ROCK2: variants seen among roughly 807,000 people sequenced by gnomAD.
ROCK2 encodes the protein rho-associated protein kinase 2.
ROCK2 carries 61 observed loss-of-function variants against 195.1 expected under a neutral mutation model. That is an observed-to-expected ratio of 0.31 (90% confidence interval 0.25 to 0.39). ROCK2 has a LOEUF of 0.39. Ranked by LOEUF, ROCK2 falls within the 10% of genes least tolerant of loss-of-function variation. The pLI is 1.00. For synonymous variants in ROCK2, 504 were observed against 545.5 expected (o/e 0.92, Z 1.06); for missense variants, 1,109 against 1,637.4 (o/e 0.68, Z 5.57).
At chr2:11,239,877 A>T (rs534665067) in intron 4 of ROCK2, among the ~76,000 whole-genome samples, 3 of 152,214 alleles carry the variant, frequency 2.0e-5, no homozygotes, top group African/African-American at 4.8e-5. Flanking sequence ...CAACCTCCTC[A>T]GGCTTAACAA....
chr2:11,204,916 T>G (rs1156455285), intron 20 of ROCK2, among the ~76,000 whole-genome samples: 1 of 152,206 alleles, frequency 6.6e-6, no homozygotes, highest in African/African-American at 2.4e-5. Flanking sequence ...TATCATAATC[T>G]TCCTCTTTCA....
chr2:11,262,371 G>T (rs1412762496), intron 3 of ROCK2, among the ~76,000 whole-genome samples: 1 of 152,072 alleles, frequency 6.6e-6, no homozygotes, highest in African/African-American at 2.4e-5. Flanking sequence ...AATATGTAGA[G>T]CTTAAAAAAA....
rs201481528 is a variant in ROCK2, at chr2:11,203,208, TA to T, written c.2550-1088del. ...GGTACATTAAATTCTGGCCTTATTT[TA>T]AAAACATAAAAATTATAGTTATCCG... On this transcript the variant is annotated intron_variant, in intron 20 of 32. Transcript: ENST00000315872. Among the ~76,000 whole-genome samples, 1,062 of 152,302 alleles carry T rather than the reference TA, an allele frequency of 7.0e-3. 15 individuals carry two copies. The highest frequency in any genetic ancestry group is 0.024 in the African/African-American group (1,010 of 41,556).
At chr2:11,269,027 A>G (rs1043762796) in intron 3 of ROCK2, among the ~76,000 whole-genome samples, 13 of 152,154 alleles carry the variant, frequency 8.5e-5, no homozygotes, top group African/African-American at 3.1e-4. Context: ...TGCCGGCTCA[A>G]ATCTGCCCCT....
intron 1 of ROCK2, among the ~76,000 whole-genome samples, chr2:11,302,075 G>A (rs935994371): frequency 1.3e-5 from 2 of 152,072 alleles, no homozygotes; most frequent in Non-Finnish European, 2.9e-5. Context: ...CAAAGTGCTG[G>A]GATTACAGGC....
At chr2:11,330,734 TGAGGAGGGAGGAGGGAGGAG>T (rs1269693451) in intron 1 of ROCK2, among the ~76,000 whole-genome samples, 38 of 18,360 alleles carry the variant, frequency 2.1e-3, no homozygotes, top group Admixed American at 7.5e-3. Flanking sequence ...GGAGGGAAGA[TGAGGAGGGAGGAGGGAGGAG>T]GAGGAGGGAG....
chr2:11,215,128 C>T (rs1021262162), intron 15 of ROCK2, 42 bp from the exon 16 acceptor site: 3 of 1,603,822 alleles, frequency 1.9e-6, no homozygotes, highest in African/African-American at 2.7e-5. Flanking sequence ...AACAAACACA[C>T]ATGTATGTAA....
At chr2:11,293,266 G>C (rs1452330290) in intron 1 of ROCK2, among the ~76,000 whole-genome samples, 1 of 152,174 alleles carries the variant, frequency 6.6e-6, no homozygotes, top group African/African-American at 2.4e-5. Context: ...TGAGAATTTA[G>C]CAACTCAGAG....
At chr2:11,233,204 C>T (rs184920988) in intron 5 of ROCK2, among the ~76,000 whole-genome samples, 1 of 152,092 alleles carries the variant, frequency 6.6e-6, no homozygotes, top group Non-Finnish European at 1.5e-5. Flanking sequence ...ATAGAGGAGA[C>T]CGTGTCTACA....
Position 11,344,558 on chromosome 2 carries a change from G to A in ROCK2, c.-422C>T. 1.1e-6 allele frequency: 1 copy of A among 929,626 alleles called. No individual in the cohort carries two copies. Among genetic ancestry groups the A allele is most frequent in the African/African-American group, 1.8e-5 (1 of 55,566 alleles). The allele number at this position is 929,626 out of a possible 1,614,324, so 57.6% of individuals were successfully genotyped here. A position where few individuals can be genotyped will look rare whatever the true frequency, so the allele number is the denominator to read the frequency against. On this transcript the variant is annotated 5_prime_UTR_variant, in exon 1 of 33. Coordinates refer to ENST00000315872, the MANE Select transcript of ROCK2 (RefSeq NM_004850.5). The surrounding 1 kb of genome is among the most constrained non-coding windows in gnomAD (Gnocchi z 5.4). ...GGGCCACTACGGCCGCCGCCGGCCC[G>A]CTGCCATGGTCGCCGCCGGCCGCCT...
chr2:11,218,451 A>C lies in ROCK2; in HGVS notation c.1332+4T>G. 1 of 1,560,564 alleles carries C rather than the reference A, an allele frequency of 6.4e-7. No homozygotes were observed. Among genetic ancestry groups the C allele is most frequent in the Non-Finnish European group, 8.7e-7 (1 of 1,149,440 alleles). On this transcript the variant is annotated splice_donor_region_variant and intron_variant, in intron 11 of 32. Transcript: ENST00000315872. Reference sequence around the variant, plus strand: ...TTTCAATATATCTGACAACATCAACATACCTCTTGACTTTCCTATTTAAAA... The same window carrying C: ...TTTCAATATATCTGACAACATCAACCTACCTCTTGACTTTCCTATTTAAAA...
At chr2:11,320,910 G>C (rs539622075) in intron 1 of ROCK2, among the ~76,000 whole-genome samples, 12 of 152,230 alleles carry the variant, frequency 7.9e-5, no homozygotes, top group African/African-American at 2.9e-4. Context: ...AGAGAGGAGG[G>C]AGGTGTACAG....
chr2:11,330,077 A>G (rs1294166782), intron 1 of ROCK2, among the ~76,000 whole-genome samples: 1 of 152,216 alleles, frequency 6.6e-6, no homozygotes, highest in Non-Finnish European at 1.5e-5. Context: ...AGATTGTAAA[A>G]TGTTTCTAAC....
At chr2:11,188,099 T>C (rs867501402) in intron 32 of ROCK2, among the ~76,000 whole-genome samples, 1 of 149,258 alleles carries the variant, frequency 6.7e-6, no homozygotes, top group African/African-American at 2.5e-5. Flanking sequence ...CAAACTGGTA[T>C]ATAATTTTTT....
intron 23 of ROCK2, 67 bp downstream of exon 23, chr2:11,200,890 G>T: frequency 1.5e-6 from 2 of 1,359,802 alleles, no homozygotes; most frequent in South Asian, 1.5e-5. Context: ...TACTTAGTAT[G>T]TCTAAAGAAG....
In ROCK2 at chr2:11,298,661, C is replaced by T. The variant is rs71439055; in HGVS notation, c.142-10925G>A. Among the ~76,000 whole-genome samples, 1,333 of 152,206 alleles carry T rather than the reference C, an allele frequency of 8.8e-3. 15 individuals are homozygous for T. Among genetic ancestry groups the T allele is most frequent in the Middle Eastern group, 0.017 (5 of 294 alleles). On this transcript the variant is annotated intron_variant, in intron 1 of 32. Coordinates refer to ENST00000315872, the MANE Select transcript of ROCK2 (RefSeq NM_004850.5). ...CAATGAAAACTTTTTATTACAGAGA[C>T]TTATCCTCCAAACACTTTCAAAGCT... is the stretch of plus-strand genomic sequence containing the variant.
At chr2:11,200,517 T>A (rs1340047810) in intron 23 of ROCK2, among the ~76,000 whole-genome samples, 1 of 152,200 alleles carries the variant, frequency 6.6e-6, no homozygotes, top group Non-Finnish European at 1.5e-5. Flanking sequence ...TCATTTCCAC[T>A]GAACAGGATT....
chr2:11,189,681 A>G (rs549164632), intron 32 of ROCK2, among the ~76,000 whole-genome samples: 21 of 152,274 alleles, frequency 1.4e-4, no homozygotes, highest in African/African-American at 5.1e-4. Context: ...TTAAAATGTG[A>G]CATTCAAAAT....
chr2:11,331,480 A>C (rs542909126), intron 1 of ROCK2, among the ~76,000 whole-genome samples: 14 of 152,346 alleles, frequency 9.2e-5, no homozygotes, highest in African/African-American at 3.4e-4. Context: ...TATAAAGATA[A>C]AATTTGGGTC....
Sources: gnomAD v4.1 joint callset for allele counts (sites outside exome capture counted in the v4.1 genomes callset) on GRCh38, gnomAD v4.1.1 for gene constraint, Gnocchi (gnomAD v3.1) non-coding constraint, MANE v1.5 for transcripts, NCBI Gene and HGNC (gene_info 2026-07-23, HGNC 2026-07-21) for gene names.